JADE1: variants seen among roughly 807,000 people sequenced by gnomAD.
JADE1 encodes the protein jade family PHD finger 1, also known as protein Jade-1.
In JADE1, 14 loss-of-function variants were observed where a neutral mutation model predicts 81.8. The ratio of observed to expected loss-of-function variants is 0.17; its 90% CI spans 0.11 to 0.27. JADE1 has a LOEUF of 0.27. JADE1 is among the 10% of genes least tolerant of loss of function. The probability of loss-of-function intolerance (pLI) is 1.00; values close to 1 mark genes in which losing one functional copy is unlikely to be tolerated. For synonymous variants in JADE1, 353 were observed against 391.9 expected (o/e 0.90, Z 1.17); for missense variants, 690 against 1,047.9 (o/e 0.66, Z 4.71).
intron 8 of JADE1, among the ~76,000 whole-genome samples, chr4:128,860,698 G>C (rs2125887647): frequency 6.6e-6 from 1 of 152,356 alleles, no homozygotes; most frequent in Non-Finnish European, 1.5e-5. Context: ...GCTCCTGCTA[G>C]ACCAGAGGCT....
At chr4:128,811,583 C>T (rs1389469709) in intron 1 of JADE1, among the ~76,000 whole-genome samples, 1 of 146,502 alleles carries the variant, frequency 6.8e-6, no homozygotes, top group Non-Finnish European at 1.5e-5. Context: ...GGCGCTGCTT[C>T]TCCGCTGCGG....
intron 2 of JADE1, 93 bp downstream of exon 2, chr4:128,831,903 C>T (rs1202654594): frequency 3.5e-6 from 4 of 1,128,102 alleles, no homozygotes; most frequent in Non-Finnish European, 5.4e-6. Context: ...TTGCTGAGGC[C>T]CTTTGCATGT....
At chr4:128,834,583 G>T (rs1728825341) in intron 2 of JADE1, among the ~76,000 whole-genome samples, 1 of 143,714 alleles carries the variant, frequency 7.0e-6, no homozygotes, top group Non-Finnish European at 1.5e-5. Flanking sequence ...CGCCCAGGCT[G>T]GAGTACAGTG....
At chr4:128,866,149 C>T (rs1261178233) in intron 9 of JADE1, among the ~76,000 whole-genome samples, 1 of 152,214 alleles carries the variant, frequency 6.6e-6, no homozygotes, top group African/African-American at 2.4e-5. Flanking sequence ...CTATAAAGGA[C>T]ACCTGCTTCT....
In JADE1 at chr4:128,855,791, C is replaced by A; in HGVS notation, c.858C>A (p.Ile286=). Residue 286 remains isoleucine, a synonymous_variant, in exon 7 of 11, where the codon ATC becomes ATA. Coordinates refer to ENST00000226319, the MANE Select transcript of JADE1 (RefSeq NM_199320.4). ...KWVHVSCALW[I]PEVSIGSPEK... ...TCCACGTTAGCTGTGCTCTGTGGAT[C>A]CCTGAGGTACGTGTGGTTCTTTTTT... 6.2e-7 allele frequency: 1 copy of A among 1,600,754 alleles called. No individual in the cohort carries two copies. The highest frequency in any genetic ancestry group is 8.5e-7 in the Non-Finnish European group (1 of 1,172,394).
intron 2 of JADE1, among the ~76,000 whole-genome samples, chr4:128,834,278 G>T (rs1728791207): frequency 6.6e-6 from 1 of 152,166 alleles, no homozygotes; most frequent in South Asian, 2.1e-4. Context: ...GGCCTCTCGT[G>T]GTTTGCAGAT....
chr4:128,814,326 T>G lies in JADE1; in HGVS notation c.-27+4449T>G, dbSNP rs181673216. 2.6e-3 allele frequency among the ~76,000 whole-genome samples: 390 copies of G among 152,330 alleles called. 2 individuals are homozygous for G. The highest frequency in any genetic ancestry group is 9.1e-3 in the African/African-American group (377 of 41,560). ...AGTAAAAGCAGATTTCCATTGCGTC[T>G]TACGTATAGTAGGCACGTGACCGAT... is the stretch of plus-strand genomic sequence containing the variant. On this transcript the variant is annotated intron_variant, in intron 1 of 10. Transcript: ENST00000226319.
intron 7 of JADE1, among the ~76,000 whole-genome samples, 156 bp downstream of exon 7, chr4:128,855,953 G>C (rs1353718774): frequency 1.3e-5 from 2 of 152,166 alleles, no homozygotes; most frequent in Admixed American, 6.5e-5. Context: ...TTGAGTAGCT[G>C]AGATTATAGG....
intron 9 of JADE1, chr4:128,864,427 T>C: frequency 1.0e-6 from 1 of 985,218 alleles, no homozygotes; most frequent in Non-Finnish European, 1.2e-6. Context: ...ATTACGCCAC[T>C]GTACCCAGCC....
intron 1 of JADE1, chr4:128,811,827 C>G (rs1317131521): frequency 6.6e-6 from 1 of 152,006 alleles, no homozygotes; most frequent in Admixed American, 6.5e-5. Context: ...CGCCGGATGG[C>G]TTCCTGTGAC....
At position 128,857,400 on chromosome 4, in the gene JADE1, C is replaced by T. The variant is rs951904413; in HGVS notation, c.927C>T (p.Ser309=). The change falls in exon 8 of 11, where the codon AGC becomes AGT. Residue 309 remains serine (S), a synonymous_variant. Transcript: ENST00000226319. ...CCAAGGTGTCACACATTCCCAGCAG[C>T]CGGTGGGCGCTAGTGTGCAGCCTCT... ...PITKVSHIPS[S]RWALVCSLCN... 3.7e-6 allele frequency: 6 copies of T among 1,614,032 alleles called. No individual in the cohort carries two copies. The highest frequency in any genetic ancestry group is 5.1e-6 in the Non-Finnish European group (6 of 1,180,022).
intron 8 of JADE1, among the ~76,000 whole-genome samples, chr4:128,859,560 TGTGTGA>T (rs1560771975): frequency 1.1e-4 from 16 of 151,676 alleles, no homozygotes; most frequent in Admixed American, 3.9e-4. Flanking sequence ...TATGTGTATG[TGTGTGA>T]GTATGCGTGT....
chr4:128,852,816 G>A (rs539135985), intron 6 of JADE1, among the ~76,000 whole-genome samples: 4 of 152,070 alleles, frequency 2.6e-5, no homozygotes, highest in Non-Finnish European at 4.4e-5. Context: ...TTGCCTCTTC[G>A]TAGCTTATGG....
At chr4:128,869,145 T>G (rs1409076120) in intron 10 of JADE1, among the ~76,000 whole-genome samples, 1 of 152,232 alleles carries the variant, frequency 6.6e-6, no homozygotes, top group African/African-American at 2.4e-5. Context: ...TCTTGAAGTG[T>G]TACATAGTTT....
intron 1 of JADE1, among the ~76,000 whole-genome samples, chr4:128,813,407 C>CTTTTTTTTTTTTTTT (rs72296886): frequency 6.1e-5 from 7 of 115,568 alleles, no homozygotes; most frequent in Admixed American, 9.7e-5. Context: ...CTTACGGTCA[C>CTTTTTTTTTTTTTTT]TTTTTTTTTT....
At chr4:128,824,732 A>C (rs1036560303) in intron 1 of JADE1, among the ~76,000 whole-genome samples, 3 of 152,262 alleles carry the variant, frequency 2.0e-5, no homozygotes, top group Non-Finnish European at 2.9e-5. Flanking sequence ...GATATATAAA[A>C]GTATGTAGCG....
intron 8 of JADE1, among the ~76,000 whole-genome samples, chr4:128,858,714 T>C (rs1283480000): frequency 6.6e-6 from 1 of 151,866 alleles, no homozygotes; most frequent in Non-Finnish European, 1.5e-5. Flanking sequence ...GCGATTCTCC[T>C]GCCTCAGCCT....
intron 2 of JADE1, among the ~76,000 whole-genome samples, chr4:128,840,655 GGTTCCTA>G (rs1242707529): frequency 2.6e-5 from 4 of 152,156 alleles, no homozygotes; most frequent in African/African-American, 9.7e-5. Context: ...TTCATCTCCA[GGTTCCTA>G]ACTTGGCGTC....
intron 8 of JADE1, among the ~76,000 whole-genome samples, chr4:128,858,333 G>A (rs940405645): frequency 6.6e-6 from 1 of 152,084 alleles, no homozygotes; most frequent in Non-Finnish European, 1.5e-5. Flanking sequence ...CTGCAGTGCT[G>A]TGTGGCTGAT....
Sources: allele counts gnomAD v4.1 joint callset (sites outside exome capture counted in the v4.1 genomes callset), GRCh38; gene constraint gnomAD v4.1.1; transcripts MANE v1.5; gene names NCBI Gene and HGNC (gene_info 2026-07-23, HGNC 2026-07-21).